The following DLGAP2 variants were observed in gnomAD, a reference collection of about 807,000 sequenced individuals.
DLGAP2 encodes the protein disks large-associated protein 2.
Under a neutral mutation model 100.3 loss-of-function variants are expected in DLGAP2, and 26 were observed. That is an observed-to-expected ratio of 0.26 (90% confidence interval 0.19 to 0.36). The LOEUF is 0.36. Among genes scored for constraint, DLGAP2 ranks in the 10% least tolerant of loss-of-function variants. The probability of loss-of-function intolerance (pLI) is 1.00; values close to 1 mark genes in which losing one functional copy is unlikely to be tolerated. For missense variants in DLGAP2, 1,858 were observed against 1,453.2 expected, an observed-to-expected ratio of 1.28 and a Z score of -4.53; for synonymous variants, 886 against 630.1, an observed-to-expected ratio of 1.41 and a Z score of -6.08.
chr8:917,524 T>C (rs998290803), intron 2 of DLGAP2, among the ~76,000 whole-genome samples: 7 of 152,134 alleles, frequency 4.6e-5, no homozygotes, highest in African/African-American at 1.7e-4. Context: ...AGGTGCGAGC[T>C]ACTGCACCCA....
chr8:1,440,384 A>G (rs1433810380), intron 3 of DLGAP2, among the ~76,000 whole-genome samples: 3 of 152,222 alleles, frequency 2.0e-5, no homozygotes, highest in East Asian at 3.9e-4. Flanking sequence ...TCAAAAGTGA[A>G]TGTAAATATA....
chr8:1,309,422 T>C (rs1800562792), intron 3 of DLGAP2, among the ~76,000 whole-genome samples: 1 of 152,092 alleles, frequency 6.6e-6, no homozygotes, highest in Non-Finnish European at 1.5e-5. Flanking sequence ...TTGATTTCTC[T>C]AGAAACCATG....
intron 1 of DLGAP2, chr8:891,418 C>G (rs879649661): frequency 6.6e-6 from 1 of 152,304 alleles, no homozygotes; most frequent in Non-Finnish European, 1.5e-5. Context: ...ACATGGCAGA[C>G]GAGGGGATGC....
At chr8:1,594,742 A>G (rs1449437359) in intron 6 of DLGAP2, among the ~76,000 whole-genome samples, 1 of 152,174 alleles carries the variant, frequency 6.6e-6, no homozygotes, top group Non-Finnish European at 1.5e-5. Context: ...CTCTCTTATA[A>G]TGACTAATAG....
chr8:1,438,242 A>T (rs980122331), intron 3 of DLGAP2, among the ~76,000 whole-genome samples: 7 of 152,088 alleles, frequency 4.6e-5, no homozygotes, highest in Non-Finnish European at 7.4e-5. Flanking sequence ...TCAGACTTTG[A>T]AGTCTTTCCC....
At chr8:999,577 C>G (rs1800883930) in intron 2 of DLGAP2, among the ~76,000 whole-genome samples, 1 of 151,484 alleles carries the variant, frequency 6.6e-6, no homozygotes, top group Non-Finnish European at 1.5e-5. Flanking sequence ...CTTGTAGGCT[C>G]AAGTGATTCT....
chr8:1,303,586 G>GT (rs879868992), intron 3 of DLGAP2, among the ~76,000 whole-genome samples: 20 of 152,154 alleles, frequency 1.3e-4, no homozygotes, highest in Admixed American at 7.8e-4. Flanking sequence ...TTTTAAAGGT[G>GT]TAACTCTCTC....
In DLGAP2 at chr8:1,071,843, A is replaced by G. The variant is rs75381347; in HGVS notation, c.73+163877A>G. Among the ~76,000 whole-genome samples the G allele has an allele frequency of 4.3e-3, 648 of 152,358 alleles. 4 individuals carry two copies. Among genetic ancestry groups the G allele is most frequent in the African/African-American group, 0.015 (616 of 41,584 alleles). On this transcript the variant is annotated intron_variant, in intron 2 of 14. Transcript: ENST00000637795. ...CACCCAGTTATTTAGTCAAACATTT[A>G]AAAAGTGACATGTCCTTCTGACCTG...
chr8:993,787 C>CTTTTTTTTTTTTTTTT (rs534659471), intron 2 of DLGAP2, among the ~76,000 whole-genome samples: 1 of 64,158 alleles, frequency 1.6e-5, no homozygotes, highest in Non-Finnish European at 2.7e-5. Context: ...AACTGATTGG[C>CTTTTTTTTTTTTTTTT]TTTTTTTTTT....
intron 2 of DLGAP2, among the ~76,000 whole-genome samples, chr8:1,233,090 T>C (rs1387062237): frequency 1.3e-5 from 2 of 152,202 alleles, no homozygotes; most frequent in South Asian, 2.1e-4. Context: ...GTTTCATCCA[T>C]GTGGTAGCAG....
At chr8:830,456 C>T (rs545164163) in intron 1 of DLGAP2, among the ~76,000 whole-genome samples, 4 of 152,198 alleles carry the variant, frequency 2.6e-5, no homozygotes, top group Non-Finnish European at 5.9e-5. Context: ...AGCCCCATGA[C>T]CCTTCCCAGC....
chr8:1,596,286 G>A (rs1400689967), intron 6 of DLGAP2, among the ~76,000 whole-genome samples: 2 of 152,068 alleles, frequency 1.3e-5, no homozygotes, highest in African/African-American at 4.8e-5. Context: ...TGGTCATTTG[G>A]GTTGGTTCCA....
intron 4 of DLGAP2, among the ~76,000 whole-genome samples, chr8:1,537,126 C>T (rs919114922): frequency 6.6e-6 from 1 of 151,794 alleles, no homozygotes; most frequent in African/African-American, 2.4e-5. Flanking sequence ...TGTGGTAGAC[C>T]CCTGCAGCTC....
At chr8:1,427,616 T>A (rs540586735) in intron 3 of DLGAP2, among the ~76,000 whole-genome samples, 49 of 152,252 alleles carry the variant, frequency 3.2e-4, no homozygotes, top group African/African-American at 1.2e-3. Flanking sequence ...TGATTGAATT[T>A]TGGGGGTGGG....
chr8:1,171,380 C>T (rs1797124735), intron 2 of DLGAP2, among the ~76,000 whole-genome samples: 1 of 152,088 alleles, frequency 6.6e-6, no homozygotes, highest in African/African-American at 2.4e-5. Context: ...GTGGAGAGTT[C>T]TGTAGATGTC....
At chr8:996,603 A>G (rs1017193586) in intron 2 of DLGAP2, among the ~76,000 whole-genome samples, 2 of 152,230 alleles carry the variant, frequency 1.3e-5, no homozygotes, top group African/African-American at 4.8e-5. Flanking sequence ...AAGTTTCGTT[A>G]TCAACCTTAT....
At chr8:1,532,942 G>T (rs952491245) in intron 4 of DLGAP2, among the ~76,000 whole-genome samples, 1 of 152,006 alleles carries the variant, frequency 6.6e-6, no homozygotes, top group Non-Finnish European at 1.5e-5. Flanking sequence ...TATGCCCCAC[G>T]GTGAAATCAC....
intron 2 of DLGAP2, among the ~76,000 whole-genome samples, chr8:1,127,714 G>C (rs1041318177): frequency 6.6e-6 from 1 of 152,154 alleles, no homozygotes; most frequent in African/African-American, 2.4e-5. Context: ...AGAAAACCTT[G>C]GAAACTGCAG....
At chr8:1,166,928 C>T (rs1043357583) in intron 2 of DLGAP2, among the ~76,000 whole-genome samples, 1 of 152,044 alleles carries the variant, frequency 6.6e-6, no homozygotes, top group Non-Finnish European at 1.5e-5. Context: ...GAGAGGACCA[C>T]GAGGCCAGGA....
Sources: gnomAD v4.1 joint callset for allele counts (sites outside exome capture counted in the v4.1 genomes callset) on GRCh38, gnomAD v4.1.1 for gene constraint, MANE v1.5 for transcripts, NCBI Gene and HGNC (gene_info 2026-07-23, HGNC 2026-07-21) for gene names.